Variants in LOXL1 observed in about 807,000 individuals in gnomAD.
LOXL1 encodes the protein lysyl oxidase homolog 1.
LOXL1 carries 31 observed loss-of-function variants against 62.2 expected under a neutral mutation model. The ratio of observed to expected loss-of-function variants is 0.50; its 90% CI spans 0.37 to 0.67. LOXL1 has a LOEUF of 0.67. Among genes scored for constraint, LOXL1 ranks in the 30% least tolerant of loss-of-function variants. LOXL1 has a pLI of 0.00. For synonymous variants in LOXL1, 403 were observed against 384.4 expected, an observed-to-expected ratio of 1.05 and a Z score of -0.56; for missense variants, 775 against 843.4, an observed-to-expected ratio of 0.92 and a Z score of 1.00.
chr15:73,929,857 A>C (rs889270642), intron 1 of LOXL1, among the ~76,000 whole-genome samples: 3 of 152,340 alleles, frequency 2.0e-5, no homozygotes, highest in Admixed American at 1.3e-4. Context: ...CAAATGCCAC[A>C]ATATTGGCAG....
Position 73,947,184 on chromosome 15 carries a change from C to T in LOXL1, c.1467C>T (p.Phe489=), listed in dbSNP as rs13329473. The T allele has an allele frequency of 1.4e-3, 2,311 of 1,613,274 alleles. 30 individuals carry two copies. The African/African-American group carries it at 0.026, about 18-fold the overall frequency. The change falls in exon 4 of 7, where the codon TTC becomes TTT. Residue 489 remains phenylalanine (F), a synonymous_variant. Coordinates refer to ENST00000261921, the MANE Select transcript of LOXL1 (RefSeq NM_005576.4). Reference sequence around the variant, plus strand: ...GCCTGGAGGACAGCACCTGTGACTTCGGCAACCTCAAGCGCTATGCATGCA... The same window carrying T: ...GCCTGGAGGACAGCACCTGTGACTTTGGCAACCTCAAGCGCTATGCATGCA... ...SFCLEDSTCD[F]GNLKRYACTS... is the part of the protein sequence containing the mutation.
intron 1 of LOXL1, among the ~76,000 whole-genome samples, chr15:73,932,352 C>T (rs901096121): frequency 1.3e-5 from 2 of 152,126 alleles, no homozygotes; most frequent in African/African-American, 4.8e-5. Context: ...GGATTTGAGT[C>T]TGTGTGACTC....
At chr15:73,942,282 C>T (rs942620122) in intron 1 of LOXL1, among the ~76,000 whole-genome samples, 1 of 151,986 alleles carries the variant, frequency 6.6e-6, no homozygotes, top group Non-Finnish European at 1.5e-5. Flanking sequence ...CCCTTCCTGC[C>T]CACCCTGACT....
chr15:73,945,217 A>G lies in LOXL1; in HGVS notation c.1212-1200A>G, dbSNP rs59636607. On this transcript the variant is annotated intron_variant, in intron 2 of 6. Coordinates refer to ENST00000261921, the MANE Select transcript of LOXL1 (RefSeq NM_005576.4). The surrounding 1 kb of genome is among the most constrained non-coding windows in gnomAD (Gnocchi z 4.3). ...TCAGCAGGTGACTTGCGAGCAGGCA[A>G]TTCATACCAGACCCATGTTCCCTGA... Among the ~76,000 whole-genome samples the G allele has an allele frequency of 1.1e-4, 17 of 152,288 alleles. No homozygotes were observed. The highest frequency in any genetic ancestry group is 3.9e-4 in the African/African-American group (16 of 41,558).
intron 4 of LOXL1, 36 bp from the exon 5 acceptor site, chr15:73,947,767 ACAAG>A (rs1471471891): frequency 7.0e-7 from 1 of 1,428,328 alleles, no homozygotes; most frequent in East Asian, 2.3e-5. Context: ...GCTCTGGGAA[ACAAG>A]CAGCATCACA....
chr15:73,951,687 G>T (rs2068788219), intron 6 of LOXL1, 144 bp from the exon 7 acceptor site: 2 of 624,130 alleles, frequency 3.2e-6, no homozygotes, highest in Admixed American at 3.7e-5. Flanking sequence ...GGCTGAGGGG[G>T]TCGGAACTTT....
chr15:73,944,232 C>T (rs1408581740), intron 2 of LOXL1, among the ~76,000 whole-genome samples: 2 of 152,216 alleles, frequency 1.3e-5, no homozygotes, highest in Admixed American at 6.5e-5. Flanking sequence ...GAGGAACTTA[C>T]AGCCTCCATG....
At chr15:73,950,926 C>T (rs974931209) in intron 6 of LOXL1, among the ~76,000 whole-genome samples, 1 of 152,232 alleles carries the variant, frequency 6.6e-6, no homozygotes, top group African/African-American at 2.4e-5. Context: ...CAGAATTCCC[C>T]AGGGCACACA....
At position 73,942,861 on chromosome 15, in the gene LOXL1, T is replaced by A. The variant is rs144764740; in HGVS notation, c.1110T>A (p.Pro370=). 5.3e-5 allele frequency: 85 copies of A among 1,611,632 alleles called. No homozygotes were observed. Among genetic ancestry groups the A allele is most frequent in the Non-Finnish European group, 7.2e-5 (85 of 1,177,820 alleles). Residue 370 remains proline (P), a synonymous_variant, in exon 2 of 7, where the codon CCT becomes CCA. Transcript: ENST00000261921. Reference sequence around the variant, plus strand: ...TCCCACTGCCCACTCCAGGTCTCCCTGACTTGGTCCCAGACCCCAACTATG... The same window carrying A: ...TCCCACTGCCCACTCCAGGTCTCCCAGACTTGGTCCCAGACCCCAACTATG... ...YRPNQNGRGL[P]DLVPDPNYVQ... is the part of the protein sequence containing the mutation.
chr15:73,947,498 G>A, intron 4 of LOXL1: 1 of 496,600 alleles, frequency 2.0e-6, no homozygotes, highest in Non-Finnish European at 3.6e-6. Flanking sequence ...CTATTGGCCT[G>A]TTCACCCACC....
chr15:73,931,852 C>T (rs747996710), intron 1 of LOXL1, among the ~76,000 whole-genome samples: 1 of 152,206 alleles, frequency 6.6e-6, no homozygotes, highest in African/African-American at 2.4e-5. Flanking sequence ...ACCCAACAAG[C>T]TTCCAGAGTT....
chr15:73,951,136 G>A (rs1267787638), intron 6 of LOXL1, among the ~76,000 whole-genome samples: 1 of 152,172 alleles, frequency 6.6e-6, no homozygotes, highest in Non-Finnish European at 1.5e-5. Context: ...GCTGCTGGGG[G>A]CTCGGGGAGG....
At position 73,930,110 on chromosome 15, in the gene LOXL1, G is replaced by A. The variant is rs2068625567; in HGVS notation, c.1102+2225G>A. Reference sequence around the variant, plus strand: ...TAGCATCCTAGGTGCCAAGCTGAGTGTACTCACATGCATCAAGTCCAGGCC... The same window carrying A: ...TAGCATCCTAGGTGCCAAGCTGAGTATACTCACATGCATCAAGTCCAGGCC... On this transcript the variant is annotated intron_variant, in intron 1 of 6. Transcript: ENST00000261921. The surrounding 1 kb of genome is among the most constrained non-coding windows in gnomAD (Gnocchi z 4.7). 6.6e-6 allele frequency among the ~76,000 whole-genome samples: 1 copy of A among 152,200 alleles called. No homozygotes were observed. Among genetic ancestry groups the A allele is most frequent in the Non-Finnish European group, 1.5e-5 (1 of 68,030 alleles).
Position 73,945,019 on chromosome 15 carries a change from G to T in LOXL1, c.1212-1398G>T, listed in dbSNP as rs980825816. ...AGGCCAACAGAGTTAGCTGTCAGCCGTCAGCTAAAGAGGGGAGGGGCCTTC... is the reference window on the plus strand; with the variant it reads ...AGGCCAACAGAGTTAGCTGTCAGCCTTCAGCTAAAGAGGGGAGGGGCCTTC... On this transcript the variant is annotated intron_variant, in intron 2 of 6. Transcript: ENST00000261921. This position sits in a 1 kb window ranked among gnomAD's most constrained non-coding sequence, Gnocchi z 4.3. Among the ~76,000 whole-genome samples, 1 of 152,182 alleles carries T rather than the reference G, an allele frequency of 6.6e-6. No homozygotes were observed. Among genetic ancestry groups the T allele is most frequent in the Non-Finnish European group, 1.5e-5 (1 of 68,042 alleles).
At chr15:73,933,511 C>T (rs1411099069) in intron 1 of LOXL1, among the ~76,000 whole-genome samples, 7 of 152,178 alleles carry the variant, frequency 4.6e-5, no homozygotes, top group Non-Finnish European at 8.8e-5. Context: ...GCCATTAGTA[C>T]CATTATGGGC....
intron 1 of LOXL1, among the ~76,000 whole-genome samples, chr15:73,933,236 G>A (rs1431323014): frequency 6.6e-6 from 1 of 152,176 alleles, no homozygotes; most frequent in Non-Finnish European, 1.5e-5. Flanking sequence ...GGAAACTGAG[G>A]CTCGGAGAAA....
Position 73,927,814 on chromosome 15 carries a change from G to A in LOXL1, c.1031G>A (p.Gly344Glu). Reference protein sequence around the residue: ...VRSSDTPPPGGERNGAQQGRL... With the variant: ...VRSSDTPPPGEERNGAQQGRL... The stretch of plus-strand genomic sequence containing the variant: ...AGCTCCGACACGCCCCCGCCGGGTG[G>A]GGAGCGGAACGGCGCGCAGCAGGGC... The change falls in exon 1 of 7, where the codon GGG becomes GAG. Residue 344 changes from glycine (G) to glutamate (E), a missense_variant. Physicochemically the swap from Gly to Glu is moderately conservative, Grantham distance 98. Coordinates refer to ENST00000261921, the MANE Select transcript of LOXL1 (RefSeq NM_005576.4). 10 of 1,368,094 alleles carry A rather than the reference G, an allele frequency of 7.3e-6. No homozygotes were observed. Among genetic ancestry groups the A allele is most frequent in the Non-Finnish European group, 9.3e-6 (10 of 1,069,568 alleles). The allele number at this position is 1,368,094 out of a possible 1,614,324, so 84.7% of individuals were successfully genotyped here. A position where few individuals can be genotyped will look rare whatever the true frequency, so the allele number is the denominator to read the frequency against.
intron 1 of LOXL1, among the ~76,000 whole-genome samples, chr15:73,936,875 G>A (rs1050691083): frequency 7.2e-5 from 11 of 152,262 alleles, no homozygotes; most frequent in African/African-American, 2.4e-4. Flanking sequence ...TTGTGAGAGG[G>A]CTCGGGCTCT....
chr15:73,947,078 G>A lies in LOXL1; in HGVS notation c.1361G>A (p.Ser454Asn), dbSNP rs753579937. Reference protein sequence around the residue: ...EWHSCHQHYHSMDEFSHYDLL... With the variant: ...EWHSCHQHYHNMDEFSHYDLL... ...TCCTCTGCCCCTAGGCATTACCACAGCATGGACGAGTTCAGCCACTACGAC... is the reference window on the plus strand; with the variant it reads ...TCCTCTGCCCCTAGGCATTACCACAACATGGACGAGTTCAGCCACTACGAC... Residue 454 changes from serine (S) to asparagine (N), a missense_variant, in exon 4 of 7, where the codon AGC becomes AAC. Physicochemically the swap from Ser to Asn is conservative, Grantham distance 46 (BLOSUM62 1). Transcript: ENST00000261921. 1 of 1,608,474 alleles carries A rather than the reference G, an allele frequency of 6.2e-7. No individual in the cohort carries two copies. The highest frequency in any genetic ancestry group is 8.5e-7 in the Non-Finnish European group (1 of 1,175,796).
Sources: gnomAD v4.1 joint callset for allele counts (sites outside exome capture counted in the v4.1 genomes callset) on GRCh38, gnomAD v4.1.1 for gene constraint, Gnocchi (gnomAD v3.1) non-coding constraint, MANE v1.5 for transcripts, NCBI Gene and HGNC (gene_info 2026-07-23, HGNC 2026-07-21) for gene names.